PCDH7: variants seen among roughly 807,000 people sequenced by gnomAD.
The protein encoded by PCDH7 is protocadherin 7, also known as protocadherin-7.
In PCDH7, 17 loss-of-function variants were observed where a neutral mutation model predicts 58.9. That is an observed-to-expected ratio of 0.29 (90% CI 0.20 to 0.43). The LOEUF (loss-of-function observed/expected upper bound fraction) is 0.43. Among genes scored for constraint, PCDH7 ranks in the 20% least tolerant of loss-of-function variants. The probability of loss-of-function intolerance (pLI) is 1.00; values close to 1 mark genes in which losing one functional copy is unlikely to be tolerated. For synonymous variants in PCDH7, 664 were observed against 616.4 expected, an observed-to-expected ratio of 1.08 and a Z score of -1.14; for missense variants, 1,274 against 1,441.0, an observed-to-expected ratio of 0.88 and a Z score of 1.88.
At chr4:30,988,008 T>C (rs750725191) in intron 3 of PCDH7, among the ~76,000 whole-genome samples, 3 of 152,122 alleles carry the variant, frequency 2.0e-5, no homozygotes, top group Admixed American at 6.6e-5. Context: ...AAGGCAAGAA[T>C]ATAAGTTATT....
intron 3 of PCDH7, among the ~76,000 whole-genome samples, chr4:31,124,908 G>A (rs1041271585): frequency 6.6e-6 from 1 of 151,706 alleles, no homozygotes; most frequent in East Asian, 1.9e-4. Flanking sequence ...CATCTAATTC[G>A]CCAAGGAGTG....
At chr4:30,931,127 G>A (rs550583415) in intron 2 of PCDH7, among the ~76,000 whole-genome samples, 9 of 152,260 alleles carry the variant, frequency 5.9e-5, no homozygotes, top group Non-Finnish European at 1.2e-4. Context: ...TAGGACATTT[G>A]CATGGGAGGT....
rs775108513 is a variant in PCDH7 at position 30,723,445 on chromosome 4, A to G, written c.2023A>G (p.Ser675Gly). The G allele has an allele frequency of 6.2e-7, 1 of 1,614,174 alleles. No homozygotes were observed. The highest frequency in any genetic ancestry group is 1.7e-5 in the Admixed American group (1 of 60,016). Residue 675 changes from serine to glycine, a missense_variant, in exon 1 of 2, where the codon AGC becomes GGC. By Grantham distance (56) the Ser-to-Gly change is moderately conservative (BLOSUM62 0). Coordinates refer to ENST00000361762, the Ensembl canonical transcript of PCDH7. The surrounding 1 kb of genome is among the most constrained non-coding windows in gnomAD (Gnocchi z 4.6). ...TGACAAGGGGCGGAATGCAGAGATG[A>G]GCCTGTACATAGAGGAGAACAATAA...
At chr4:30,898,300 GCACT>G (rs1739719225) in intron 1 of PCDH7, among the ~76,000 whole-genome samples, 1 of 152,114 alleles carries the variant, frequency 6.6e-6, no homozygotes, top group Admixed American at 6.6e-5. Context: ...TGTAGGGCTG[GCACT>G]CACCCTTTCA....
chr4:30,722,046 G>A lies in PCDH7; in HGVS notation c.624G>A (p.Gly208=), dbSNP rs1713676789. 5.6e-6 allele frequency: 7 copies of A among 1,241,584 alleles called. No homozygotes were observed. The highest frequency in any genetic ancestry group is 6.0e-6 in the Non-Finnish European group (6 of 995,598). The allele number at this position is 1,241,584 out of a possible 1,614,324, so 76.9% of individuals were successfully genotyped here. ...CGGCCGACAGCGCCCCCTACCCCGG[G>A]GGCGGCGGGAACGGCGCGAGCGGCG... The change falls in exon 1 of 2, where the codon GGG becomes GGA. Residue 208 remains glycine (G), a synonymous_variant. Transcript: ENST00000361762. This position sits in a 1 kb window ranked among gnomAD's most constrained non-coding sequence, Gnocchi z 7.6.
chr4:31,023,550 A>G (rs1378517931), intron 3 of PCDH7, among the ~76,000 whole-genome samples: 1 of 152,152 alleles, frequency 6.6e-6, no homozygotes, highest in Non-Finnish European at 1.5e-5. Flanking sequence ...TTGCAGGACT[A>G]TTGTTAGGAG....
At chr4:30,911,299 A>T (rs1253534595) in intron 1 of PCDH7, among the ~76,000 whole-genome samples, 1 of 145,782 alleles carries the variant, frequency 6.9e-6, no homozygotes, top group African/African-American at 2.6e-5. Context: ...CCAGAACTTA[A>T]GGTATATTAA....
chr4:30,963,761 C>T (rs1028246977), intron 3 of PCDH7, among the ~76,000 whole-genome samples: 3 of 152,216 alleles, frequency 2.0e-5, no homozygotes, highest in Admixed American at 2.0e-4. Context: ...TGAACTACCC[C>T]TTTTTCTCAT....
chr4:31,135,008 A>C (rs1471814488), intron 3 of PCDH7, among the ~76,000 whole-genome samples: 2 of 152,190 alleles, frequency 1.3e-5, no homozygotes, highest in Non-Finnish European at 2.9e-5. Flanking sequence ...CAAAGTGGGT[A>C]TGTGTAGGGA....
At chr4:30,932,848 T>G (rs1336548342) in intron 2 of PCDH7, among the ~76,000 whole-genome samples, 1 of 152,160 alleles carries the variant, frequency 6.6e-6, no homozygotes, top group Non-Finnish European at 1.5e-5. Context: ...AATGTCAAAC[T>G]GTAACAACGG....
At chr4:30,758,272 T>A (rs547602588) in intron 1 of PCDH7, among the ~76,000 whole-genome samples, 2 of 152,278 alleles carry the variant, frequency 1.3e-5, no homozygotes, top group African/African-American at 4.8e-5. Flanking sequence ...ACTTGAAGCC[T>A]GGTCCTGGAG....
intron 1 of PCDH7, among the ~76,000 whole-genome samples, chr4:30,819,613 G>T (rs1459847034): frequency 1.3e-5 from 2 of 152,160 alleles, no homozygotes; most frequent in African/African-American, 4.8e-5. Context: ...TGATGGGGGT[G>T]TTATGATATG....
chr4:30,966,472 A>G (rs755385354), intron 3 of PCDH7, among the ~76,000 whole-genome samples: 6 of 152,172 alleles, frequency 3.9e-5, no homozygotes, highest in Non-Finnish European at 5.9e-5. Flanking sequence ...TGTTAGCCCC[A>G]AATTACAGAG....
chr4:31,140,573 C>G (rs1720123616), intron 3 of PCDH7, among the ~76,000 whole-genome samples: 2 of 148,374 alleles, frequency 1.3e-5, no homozygotes, highest in Non-Finnish European at 3.0e-5. Flanking sequence ...CATTTCTATC[C>G]TTTTTTCCCC....
chr4:30,947,467 G>A (rs1334607540), intron 2 of PCDH7, among the ~76,000 whole-genome samples: 4 of 152,056 alleles, frequency 2.6e-5, no homozygotes, highest in African/African-American at 9.7e-5. Flanking sequence ...GGGGATGAGG[G>A]ATGCTTTTAT....
downstream of PCDH7, chr4:31,145,366 G>T (rs1380235345): frequency 6.6e-6 from 1 of 151,760 alleles, no homozygotes; most frequent in Non-Finnish European, 1.5e-5. Context: ...TAATGAGCTG[G>T]CATGACACAG....
At chr4:30,965,917 A>G (rs1036445981) in intron 3 of PCDH7, among the ~76,000 whole-genome samples, 3 of 152,170 alleles carry the variant, frequency 2.0e-5, no homozygotes, top group Non-Finnish European at 4.4e-5. Context: ...GTATCCGGAC[A>G]GGATGGCCAT....
intron 3 of PCDH7, among the ~76,000 whole-genome samples, chr4:31,008,929 C>T (rs80303716): frequency 0.01 from 1,581 of 152,076 alleles, 24 homozygotes; most frequent in African/African-American, 0.035. Flanking sequence ...TTAGATAAGT[C>T]CCCTGGCTGT....
intron 1 of PCDH7, among the ~76,000 whole-genome samples, chr4:30,908,613 A>G (rs1044293783): frequency 4.6e-5 from 7 of 152,178 alleles, no homozygotes; most frequent in African/African-American, 1.7e-4. Flanking sequence ...ATAGACCAAT[A>G]ACAAGTTCTG....
Sources: allele counts gnomAD v4.1 joint callset (sites outside exome capture counted in the v4.1 genomes callset), GRCh38; gene constraint gnomAD v4.1.1; non-coding constraint Gnocchi (gnomAD v3.1); transcripts MANE v1.5; gene names NCBI Gene and HGNC (gene_info 2026-07-23, HGNC 2026-07-21).